The following PLXNA4 variants were observed in gnomAD, a reference collection of about 807,000 sequenced individuals.
PLXNA4 encodes the protein plexin A4.
A neutral mutation model predicts 191.8 loss-of-function variants in PLXNA4; 44 were observed. The observed-to-expected ratio is 0.23, with a 90% CI of 0.18 to 0.29. The LOEUF (loss-of-function observed/expected upper bound fraction) is 0.29. Ranked by LOEUF, PLXNA4 falls within the 10% of genes least tolerant of loss-of-function variation. PLXNA4 has a pLI of 1.00. For missense variants in PLXNA4, 1,800 were observed against 2,488.8 expected, an observed-to-expected ratio of 0.72 and a Z score of 5.89; for synonymous variants, 1,082 against 1,009.5, an observed-to-expected ratio of 1.07 and a Z score of -1.36.
Position 132,351,941 on chromosome 7 carries a change from G to A in PLXNA4, c.1372-53719C>T, listed in dbSNP as rs2116807790. Among the ~76,000 whole-genome samples the A allele has an allele frequency of 2.6e-5, 4 of 152,320 alleles. No homozygotes were observed. The South Asian group carries it at 8.3e-4, about 32-fold the overall frequency. ...AAGGGGGCCAATTCCCTCTTATTAA[G>A]CCTGTTATTAGGCTGCGAATCAAAT... On this transcript the variant is annotated intron_variant, in intron 3 of 31. Coordinates refer to ENST00000321063, the MANE Select transcript of PLXNA4 (RefSeq NM_020911.2).
At chr7:132,300,571 T>G (rs1413094702) in intron 3 of PLXNA4, among the ~76,000 whole-genome samples, 1 of 152,240 alleles carries the variant, frequency 6.6e-6, no homozygotes. Context: ...TCCCAGAGCC[T>G]TCCTTCTTCT....
In PLXNA4 at chr7:132,126,930, T is replaced by TTCAC. The variant is rs1002575718; in HGVS notation, c.*3545_*3548dup. On this transcript the variant is annotated 3_prime_UTR_variant, in exon 32 of 32. Coordinates refer to ENST00000321063, the MANE Select transcript of PLXNA4 (RefSeq NM_020911.2). ...GGAAGTAACTGGCATGATGGCCACC[T>TTCAC]TCACTTAGTGGCACTATTTGCAGCT... The TTCAC allele has an allele frequency of 1.3e-5, 2 of 152,198 alleles. No individual in the cohort carries two copies. The highest frequency in any genetic ancestry group is 4.8e-5 in the African/African-American group (2 of 41,440). The allele number at this position is 152,198 out of a possible 1,614,324, so 9.4% of individuals were successfully genotyped here. A position where few individuals can be genotyped will look rare whatever the true frequency, so the allele number is the denominator to read the frequency against.
intron 13 of PLXNA4, among the ~76,000 whole-genome samples, chr7:132,195,574 C>A (rs1003731568): frequency 6.6e-6 from 1 of 152,230 alleles, no homozygotes; most frequent in Non-Finnish European, 1.5e-5. Flanking sequence ...TGATGGCCCA[C>A]TCTTTTGCCA....
chr7:132,542,634 G>C lies in PLXNA4; in HGVS notation c.-87+33788C>G, dbSNP rs538812877. The stretch of plus-strand genomic sequence containing the variant: ...TTCTTTGTAGAAATCCAATTAGATA[G>C]ATAAGACTATTCTCACTGTATCCTC... On this transcript the variant is annotated intron_variant, in intron 1 of 31. Transcript: ENST00000321063. Among the ~76,000 whole-genome samples, 52 of 152,174 alleles carry C rather than the reference G, an allele frequency of 3.4e-4. 1 individual carries two copies. Among genetic ancestry groups the C allele is most frequent in the Admixed American group, 3.1e-3 (48 of 15,286 alleles).
intron 19 of PLXNA4, 24 bp downstream of exon 19, chr7:132,180,562 A>G (rs1296833300): frequency 3.7e-6 from 6 of 1,613,876 alleles, no homozygotes; most frequent in Non-Finnish European, 5.1e-6. Flanking sequence ...CGCTCCATCC[A>G]GGATGGGGTT....
At chr7:132,444,878 T>G (rs1253339357) in intron 3 of PLXNA4, among the ~76,000 whole-genome samples, 1 of 151,842 alleles carries the variant, frequency 6.6e-6, no homozygotes, top group Non-Finnish European at 1.5e-5. Flanking sequence ...TAAGATTGGT[T>G]CTCGGCTGGG....
chr7:132,242,823 C>G (rs1202996176), intron 4 of PLXNA4, among the ~76,000 whole-genome samples: 2 of 152,204 alleles, frequency 1.3e-5, no homozygotes, highest in African/African-American at 4.8e-5. Context: ...TTAACCTTAA[C>G]AATTAGTTCC....
chr7:132,330,216 C>T lies in PLXNA4; in HGVS notation c.1372-31994G>A, dbSNP rs1585000197. On this transcript the variant is annotated intron_variant, in intron 3 of 31. Transcript: ENST00000321063. ...TGGATTGTTTGGGGGCAGTGAGGTGCTCAATTTGGCTGGAGCTGAGTAGGG... is the reference window on the plus strand; with the variant it reads ...TGGATTGTTTGGGGGCAGTGAGGTGTTCAATTTGGCTGGAGCTGAGTAGGG... 2.6e-5 allele frequency among the ~76,000 whole-genome samples: 4 copies of T among 152,292 alleles called. No homozygotes were observed. The South Asian group carries it at 8.3e-4, about 32-fold the overall frequency.
chr7:132,292,539 T>A (rs1800931655), intron 4 of PLXNA4, among the ~76,000 whole-genome samples: 1 of 152,214 alleles, frequency 6.6e-6, no homozygotes, highest in African/African-American at 2.4e-5. Context: ...GAGGTCCCAG[T>A]CTCACCAAAA....
chr7:132,551,818 G>A (rs544098458), intron 1 of PLXNA4, among the ~76,000 whole-genome samples: 5 of 152,182 alleles, frequency 3.3e-5, no homozygotes, highest in African/African-American at 7.2e-5. Flanking sequence ...AGACATCGAT[G>A]TTAAATAAAC....
chr7:132,493,980 A>T (rs1797907443), intron 2 of PLXNA4, among the ~76,000 whole-genome samples: 1 of 152,178 alleles, frequency 6.6e-6, no homozygotes, highest in South Asian at 2.1e-4. Flanking sequence ...ACAATAGTAC[A>T]TACTTTGTTG....
chr7:132,187,771 G>T (rs1448523151), intron 14 of PLXNA4, among the ~76,000 whole-genome samples, 164 bp from the exon 15 acceptor site: 2 of 152,182 alleles, frequency 1.3e-5, no homozygotes, highest in African/African-American at 4.8e-5. Flanking sequence ...GCGTGGATAG[G>T]CAGTGTTCCA....
chr7:132,306,004 G>A (rs559257295), intron 3 of PLXNA4, among the ~76,000 whole-genome samples: 14 of 152,256 alleles, frequency 9.2e-5, no homozygotes, highest in African/African-American at 3.4e-4. Flanking sequence ...GGGGAACAGA[G>A]CAAACCTGGA....
chr7:132,238,756 A>G (rs1259751614), intron 5 of PLXNA4, among the ~76,000 whole-genome samples: 2 of 151,894 alleles, frequency 1.3e-5, no homozygotes, highest in Non-Finnish European at 2.9e-5. Flanking sequence ...CAGGAAGAGA[A>G]GCATGCAGTT....
intron 2 of PLXNA4, among the ~76,000 whole-genome samples, chr7:132,507,219 C>T (rs2116241317): frequency 6.6e-6 from 1 of 152,314 alleles, no homozygotes; most frequent in Admixed American, 6.5e-5. Context: ...ACAATTCCTA[C>T]CTATTTCCAG....
intron 26 of PLXNA4, 84 bp from the exon 27 acceptor site, chr7:132,148,083 C>A: frequency 6.2e-7 from 1 of 1,601,358 alleles, no homozygotes; most frequent in East Asian, 2.2e-5. Flanking sequence ...GAACTTGGCA[C>A]TAAGGGGAAA....
Position 132,180,605 on chromosome 7 carries a change from A to T in PLXNA4, c.3620T>A (p.Ile1207Asn). ...VQLLCESPNL[I>N]GRHKVMARVG... Reference sequence around the variant, plus strand: ...CCTCACCATCACTTTGTGCCTGCCGATGAGGTTGGGGGACTCGCAGAGCAG... The same window carrying T: ...CCTCACCATCACTTTGTGCCTGCCGTTGAGGTTGGGGGACTCGCAGAGCAG... Residue 1207 changes from isoleucine to asparagine, a missense_variant, in exon 19 of 32, where the codon ATC becomes AAC. Ile to Asn is a moderately radical substitution (Grantham distance 149). Transcript: ENST00000321063. The T allele has an allele frequency of 3.1e-6, 5 of 1,614,158 alleles. No homozygotes were observed. Among genetic ancestry groups the T allele is most frequent in the Non-Finnish European group, 4.2e-6 (5 of 1,180,024 alleles).
chr7:132,429,348 G>A (rs1323148423), intron 3 of PLXNA4, among the ~76,000 whole-genome samples: 1 of 152,138 alleles, frequency 6.6e-6, no homozygotes, highest in Non-Finnish European at 1.5e-5. Context: ...ATGGGTATAG[G>A]AAGAACTTTG....
intron 1 of PLXNA4, among the ~76,000 whole-genome samples, chr7:132,515,083 C>A (rs188639202): frequency 2.0e-4 from 30 of 151,818 alleles, no homozygotes; most frequent in Non-Finnish European, 3.7e-4. Context: ...CTGGTTAAAT[C>A]AGGTCTCCGA....
Sources: allele counts gnomAD v4.1 joint callset (sites outside exome capture counted in the v4.1 genomes callset), GRCh38; gene constraint gnomAD v4.1.1; transcripts MANE v1.5; gene names NCBI Gene and HGNC (gene_info 2026-07-23, HGNC 2026-07-21).